The following CFAP61 variants were observed in gnomAD, a reference collection of about 807,000 sequenced individuals.
CFAP61 encodes the protein cilia and flagella associated protein 61.
In CFAP61, 107 loss-of-function variants were observed where a neutral mutation model predicts 135.6. The observed-to-expected ratio is 0.79, with a 90% CI of 0.67 to 0.93. The LOEUF (loss-of-function observed/expected upper bound fraction) is 0.93. CFAP61 is among the 40% of genes least tolerant of loss of function. The pLI is 0.00. For synonymous variants in CFAP61, 575 were observed against 578.5 expected (o/e 0.99, Z 0.09); for missense variants, 1,507 against 1,556.2 (o/e 0.97, Z 0.53).
At chr20:20,216,592 A>G (rs1270059864) in intron 17 of CFAP61, among the ~76,000 whole-genome samples, 1 of 152,216 alleles carries the variant, frequency 6.6e-6, no homozygotes, top group Non-Finnish European at 1.5e-5. Flanking sequence ...TTTTGTGCTG[A>G]TTAATTACAG....
At chr20:20,230,622 G>A (rs951402421) in intron 18 of CFAP61, among the ~76,000 whole-genome samples, 15 of 152,130 alleles carry the variant, frequency 9.9e-5, no homozygotes, top group African/African-American at 3.6e-4. Context: ...GAGCAATCTC[G>A]GTTCACTACA....
Position 20,052,541 on chromosome 20 carries a change from G to A in CFAP61, c.-87G>A, listed in dbSNP as rs1252388121. ...CGTTTCCATGGTGACCAGGCTGCGC[G>A]TCCTCCTTGCGGCAGCGCGTGGAGT... On this transcript the variant is annotated 5_prime_UTR_variant, in exon 1 of 27. Coordinates refer to ENST00000245957, the MANE Select transcript of CFAP61 (RefSeq NM_015585.4). 1 of 1,614,184 alleles carries A rather than the reference G, an allele frequency of 6.2e-7. No individual in the cohort carries two copies. The highest frequency in any genetic ancestry group is 1.7e-5 in the Admixed American group (1 of 60,034).
intron 20 of CFAP61, among the ~76,000 whole-genome samples, chr20:20,262,525 A>G (rs2052326994): frequency 1.3e-5 from 2 of 152,212 alleles, no homozygotes; most frequent in South Asian, 4.1e-4. Context: ...GGGGAAAGAA[A>G]AAGGATTGAG....
intron 8 of CFAP61, among the ~76,000 whole-genome samples, chr20:20,110,086 T>G (rs927615310): frequency 5.9e-5 from 9 of 151,990 alleles, no homozygotes; most frequent in Non-Finnish European, 1.3e-4. Context: ...TTTGGTATTT[T>G]TAGTAGAGAC....
chr20:20,311,952 A>G (rs1341735503), intron 25 of CFAP61, among the ~76,000 whole-genome samples: 1 of 152,218 alleles, frequency 6.6e-6, no homozygotes, highest in Non-Finnish European at 1.5e-5. Flanking sequence ...AGCAGGGAAT[A>G]ATTAGTCCTA....
In CFAP61 at chr20:20,191,394, G is replaced by T. The variant is rs1213659728; in HGVS notation, c.1565G>T (p.Gly522Val). Residue 522 changes from glycine (G) to valine (V), a missense_variant, in exon 15 of 27, where the codon GGT becomes GTT. Gly to Val is a moderately radical substitution (Grantham distance 109, BLOSUM62 -3). Coordinates refer to ENST00000245957, the MANE Select transcript of CFAP61 (RefSeq NM_015585.4). The part of the protein sequence containing the change: ...FVAEVAEQIV[G>V]IAVIRNEMDI... ...GCTGAAGTTGCAGAACAAATAGTTG[G>T]TATTGCAGTGATCAGAAATGAAATG... The T allele has an allele frequency of 6.2e-7, 1 of 1,611,756 alleles. No homozygotes were observed. Among genetic ancestry groups the T allele is most frequent in the East Asian group, 2.2e-5 (1 of 44,846 alleles).
intron 9 of CFAP61, among the ~76,000 whole-genome samples, chr20:20,152,206 C>A (rs1245746016): frequency 6.6e-6 from 1 of 151,872 alleles, no homozygotes; most frequent in African/African-American, 2.4e-5. Flanking sequence ...ACAAGAAATA[C>A]TAAAAAAAGT....
At position 20,138,810 on chromosome 20, in the gene CFAP61, T is replaced by C. The variant is rs143321164; in HGVS notation, c.860-4047T>C. Among the ~76,000 whole-genome samples, 22 of 152,350 alleles carry C rather than the reference T, an allele frequency of 1.4e-4. No homozygotes were observed. The East Asian group carries it at 4.2e-3, about 29-fold the overall frequency. On this transcript the variant is annotated intron_variant, in intron 8 of 26. Coordinates refer to ENST00000245957, the MANE Select transcript of CFAP61 (RefSeq NM_015585.4). ...TCACTTCCTCTAGCACTATTTATTG[T>C]ACAGTTTGTTCTTTCCCCCTAACTT...
chr20:20,311,148 C>A (rs758937274), intron 25 of CFAP61, among the ~76,000 whole-genome samples: 12 of 152,258 alleles, frequency 7.9e-5, no homozygotes, highest in Non-Finnish European at 1.3e-4. Context: ...TCTCTCATAG[C>A]TAACTAATCA....
chr20:20,277,994 T>C (rs965397056), intron 22 of CFAP61, among the ~76,000 whole-genome samples: 2 of 152,094 alleles, frequency 1.3e-5, no homozygotes, highest in Non-Finnish European at 1.5e-5. Flanking sequence ...CAAGCAGCAT[T>C]CCTCCCACCA....
intron 17 of CFAP61, among the ~76,000 whole-genome samples, chr20:20,200,395 G>C (rs919761676): frequency 5.3e-5 from 8 of 152,180 alleles, no homozygotes; most frequent in African/African-American, 1.9e-4. Context: ...ATGATTAACA[G>C]AAGCATATGA....
intron 10 of CFAP61, among the ~76,000 whole-genome samples, chr20:20,163,503 G>A (rs2053569728): frequency 6.6e-6 from 1 of 152,020 alleles, no homozygotes; most frequent in Admixed American, 6.5e-5. Flanking sequence ...TCTCTACCCT[G>A]GGATGCAGTT....
intron 3 of CFAP61, among the ~76,000 whole-genome samples, chr20:20,073,377 C>T (rs973526171): frequency 6.6e-6 from 1 of 152,188 alleles, no homozygotes; most frequent in Non-Finnish European, 1.5e-5. Context: ...ACAATTCTTT[C>T]CGAGTGCTTC....
intron 17 of CFAP61, among the ~76,000 whole-genome samples, chr20:20,219,266 G>C (rs1430693226): frequency 1.3e-5 from 2 of 152,140 alleles, no homozygotes; most frequent in Non-Finnish European, 2.9e-5. Context: ...AAGTCAATCA[G>C]ATCTGTGAAA....
intron 14 of CFAP61, among the ~76,000 whole-genome samples, chr20:20,188,815 A>G (rs1343168550): frequency 6.6e-6 from 1 of 152,234 alleles, no homozygotes; most frequent in Non-Finnish European, 1.5e-5. Flanking sequence ...TAACCAGCAC[A>G]TGTTTTAAGA....
At chr20:20,174,346 G>A (rs540818271) in intron 13 of CFAP61, among the ~76,000 whole-genome samples, 118 of 152,176 alleles carry the variant, frequency 7.8e-4, no homozygotes, top group African/African-American at 2.7e-3. Context: ...TGTGTCCATC[G>A]CCTTTTTCCA....
At chr20:20,271,591 G>A (rs1335488559) in intron 21 of CFAP61, among the ~76,000 whole-genome samples, 1 of 152,154 alleles carries the variant, frequency 6.6e-6, no homozygotes, top group East Asian at 1.9e-4. Context: ...CCACACAGTC[G>A]CCTTTTTACG....
Position 20,100,528 on chromosome 20 carries a change from G to A in CFAP61, c.859+1714G>A, listed in dbSNP as rs564802199. On this transcript the variant is annotated intron_variant, in intron 8 of 26. Transcript: ENST00000245957. ...CACATGTAAAATGGAGATAAAAATAGTATCTAACCCAAAGAATTGAGGGGA... is the reference window on the plus strand; with the variant it reads ...CACATGTAAAATGGAGATAAAAATAATATCTAACCCAAAGAATTGAGGGGA... Among the ~76,000 whole-genome samples the A allele has an allele frequency of 2.0e-5, 3 of 152,264 alleles. No homozygotes were observed. In the South Asian group the frequency reaches 6.2e-4, roughly 32 times the overall value.
intron 18 of CFAP61, among the ~76,000 whole-genome samples, chr20:20,234,350 A>T (rs989905389): frequency 6.6e-6 from 1 of 152,092 alleles, no homozygotes; most frequent in African/African-American, 2.4e-5. Context: ...GAGTGCCCTT[A>T]TGGTCCCTTA....
Sources: gnomAD v4.1 joint callset for allele counts (sites outside exome capture counted in the v4.1 genomes callset) on GRCh38, gnomAD v4.1.1 for gene constraint, MANE v1.5 for transcripts, NCBI Gene and HGNC (gene_info 2026-07-23, HGNC 2026-07-21) for gene names.